RAB38: variants seen among roughly 807,000 people sequenced by gnomAD.
RAB38 encodes RAB38, member RAS oncogene family.
In RAB38, 15 loss-of-function variants were observed where a neutral mutation model predicts 18.4. The ratio of observed to expected loss-of-function variants is 0.82; its 90% CI spans 0.55 to 1.26. The LOEUF is 1.26. RAB38 is among the 50% of genes most tolerant of loss of function. The pLI, the probability that RAB38 is intolerant of heterozygous loss-of-function variation, is 0.00. For missense variants in RAB38, 294 were observed against 267.4 expected (o/e 1.10, Z -0.69); for synonymous variants, 101 against 104.4 (o/e 0.97, Z 0.20).
chr11:88,049,073 C>A, the RAB38 span, among the ~76,000 whole-genome samples: 1 of 152,176 alleles, frequency 6.6e-6, no homozygotes, highest in Non-Finnish European at 1.5e-5. Context: ...CTTAATCTCT[C>A]CCACTCTAGG....
At chr11:88,124,655 C>T (rs1279201477) in intron 2 of RAB38, among the ~76,000 whole-genome samples, 2 of 152,180 alleles carry the variant, frequency 1.3e-5, no homozygotes, top group Non-Finnish European at 2.9e-5. Flanking sequence ...CAGATAACAA[C>T]TCATTCTTAG....
chr11:88,058,171 A>T, the RAB38 span, among the ~76,000 whole-genome samples: 1 of 152,336 alleles, frequency 6.6e-6, no homozygotes, highest in East Asian at 1.9e-4. Flanking sequence ...CACACAGAGG[A>T]TACTTTAATT....
chr11:87,864,789 A>G, the RAB38 span, among the ~76,000 whole-genome samples: 2 of 151,892 alleles, frequency 1.3e-5, no homozygotes, highest in African/African-American at 4.8e-5. Flanking sequence ...AGTTAGACAA[A>G]GTATAAAATA....
At chr11:88,058,471 C>T in the RAB38 span, among the ~76,000 whole-genome samples, 1 of 152,064 alleles carries the variant, frequency 6.6e-6, no homozygotes, top group African/African-American at 2.4e-5. Flanking sequence ...ATGTGGCCTG[C>T]GTGGAGGTTT....
chr11:87,877,251 A>G, the RAB38 span, among the ~76,000 whole-genome samples: 331 of 151,648 alleles, frequency 2.2e-3, 3 homozygotes, highest in Non-Finnish European at 3.5e-3. Flanking sequence ...GAAAGTACAT[A>G]AAATTGTTTG....
chr11:87,865,232 A>G, the RAB38 span, among the ~76,000 whole-genome samples: 5 of 151,718 alleles, frequency 3.3e-5, no homozygotes, highest in African/African-American at 1.2e-4. Context: ...TGTGCTACTT[A>G]ATGAAAGGAT....
chr11:88,149,651 G>T, intron 2 of RAB38, 24 bp downstream of exon 2: 1 of 1,589,316 alleles, frequency 6.3e-7, no homozygotes, highest in Non-Finnish European at 8.6e-7. Flanking sequence ...CTTATATTAA[G>T]CTTATTATTT....
the RAB38 span, among the ~76,000 whole-genome samples, chr11:87,931,021 T>C: frequency 6.6e-6 from 1 of 152,172 alleles, no homozygotes; most frequent in Admixed American, 6.5e-5. Context: ...TTTGTTCTTT[T>C]GGCTTAGGAT....
At chr11:87,941,212 G>GAGAT in the RAB38 span, among the ~76,000 whole-genome samples, 24 of 37,800 alleles carry the variant, frequency 6.3e-4, 1 homozygote, top group African/African-American at 2.5e-3. Flanking sequence ...ATAAATATAT[G>GAGAT]AGATATATAT....
chr11:88,090,550 T>C, the RAB38 span, among the ~76,000 whole-genome samples: 3 of 151,902 alleles, frequency 2.0e-5, no homozygotes, highest in Admixed American at 6.6e-5. Flanking sequence ...AAAGAAGTAT[T>C]TTTATTAAAG....
the RAB38 span, among the ~76,000 whole-genome samples, chr11:87,935,031 T>C: frequency 6.6e-6 from 1 of 152,078 alleles, no homozygotes; most frequent in South Asian, 2.1e-4. Flanking sequence ...TGGTAGAAAC[T>C]GCAAGCACTT....
chr11:88,104,452 T>G, the RAB38 span, among the ~76,000 whole-genome samples: 1 of 152,148 alleles, frequency 6.6e-6, no homozygotes, highest in Non-Finnish European at 1.5e-5. Context: ...ATTTGAGTCA[T>G]GGTAAAACAA....
At chr11:87,960,045 T>C in the RAB38 span, among the ~76,000 whole-genome samples, 1 of 151,974 alleles carries the variant, frequency 6.6e-6, no homozygotes, top group Non-Finnish European at 1.5e-5. Context: ...AAATCTAGAG[T>C]CAATTTGCCA....
the RAB38 span, among the ~76,000 whole-genome samples, chr11:87,868,042 A>G: frequency 1.3e-4 from 20 of 151,588 alleles, no homozygotes; most frequent in Non-Finnish European, 1.9e-4. Flanking sequence ...AATGATCAGT[A>G]TCACATAGAA....
At chr11:88,134,848 T>G (rs1002515212) in intron 2 of RAB38, among the ~76,000 whole-genome samples, 1 of 152,184 alleles carries the variant, frequency 6.6e-6, no homozygotes, top group Non-Finnish European at 1.5e-5. Flanking sequence ...CAGAAAATTC[T>G]GTCTCACAAA....
chr11:88,100,399 A>G, the RAB38 span, among the ~76,000 whole-genome samples: 16 of 151,920 alleles, frequency 1.1e-4, no homozygotes, highest in Non-Finnish European at 1.6e-4. Flanking sequence ...GATTGTGTGG[A>G]ACTGTAAAAC....
chr11:87,804,280 C>A, the RAB38 span, among the ~76,000 whole-genome samples: 1 of 152,132 alleles, frequency 6.6e-6, no homozygotes, highest in Non-Finnish European at 1.5e-5. Flanking sequence ...TGGGTAGAGG[C>A]AGTGGGTGTA....
the RAB38 span, among the ~76,000 whole-genome samples, chr11:88,067,751 T>A: frequency 6.6e-6 from 1 of 151,270 alleles, no homozygotes. Context: ...CAACACAGGG[T>A]GTGGGTGGCA....
chr11:88,107,130 T>A, the RAB38 span, among the ~76,000 whole-genome samples: 176 of 152,288 alleles, frequency 1.2e-3, no homozygotes, highest in African/African-American at 4.1e-3. Context: ...ATCACAGCTT[T>A]ATTTTTTATT....
Sources: allele counts gnomAD v4.1 joint callset (sites outside exome capture counted in the v4.1 genomes callset), GRCh38; gene constraint gnomAD v4.1.1; transcripts MANE v1.5; gene names NCBI Gene and HGNC (gene_info 2026-07-23, HGNC 2026-07-21).